Variants in FLT1 observed in about 807,000 individuals in gnomAD.
FLT1 encodes the protein vascular endothelial growth factor receptor 1.
FLT1 carries 49 observed loss-of-function variants against 156.3 expected under a neutral mutation model. The ratio of observed to expected loss-of-function variants is 0.31; its 90% CI spans 0.25 to 0.40. The LOEUF is 0.40. Ranked by LOEUF, FLT1 falls within the 10% of genes least tolerant of loss-of-function variation. FLT1 has a pLI of 1.00. For missense variants in FLT1, 1,322 were observed against 1,637.2 expected (o/e 0.81, Z 3.32); for synonymous variants, 594 against 583.8 (o/e 1.02, Z -0.25).
At chr13:28,458,684 A>C (rs1675396497) in intron 3 of FLT1, among the ~76,000 whole-genome samples, 2 of 152,232 alleles carry the variant, frequency 1.3e-5, no homozygotes, top group African/African-American at 4.8e-5. Flanking sequence ...GTTTAATGAC[A>C]GAAATGTTTT....
rs139333864 is a variant in FLT1, at chr13:28,306,688, G to A, written c.3805C>T (p.Leu1269Phe). 2.5e-4 allele frequency: 401 copies of A among 1,611,174 alleles called. No homozygotes were observed. Among genetic ancestry groups the A allele is most frequent in the Non-Finnish European group, 3.3e-4 (393 of 1,177,436 alleles). The change falls in exon 29 of 30, where the codon CTC (leucine) becomes TTC (phenylalanine). Residue 1269 changes from leucine to phenylalanine, a missense_variant. Leu to Phe is a conservative substitution (Grantham distance 22). This residue lies in a region of FLT1 where 329 missense variants were observed against 366.2 expected (regional missense o/e 0.90). Coordinates refer to ENST00000282397, the MANE Select transcript of FLT1 (RefSeq NM_002019.4). The part of the protein sequence containing the change: ...TWTDSKPKAS[L>F]KIDLRVTSKS... ...ATACCCAATTCTTACTCAATCTTGAGCGAGGCCTTGGGTTTGCTGTCAGTC... is the reference window on the plus strand; with the variant it reads ...ATACCCAATTCTTACTCAATCTTGAACGAGGCCTTGGGTTTGCTGTCAGTC...
At chr13:28,490,400 C>T (rs1881403285) in intron 1 of FLT1, among the ~76,000 whole-genome samples, 1 of 152,252 alleles carries the variant, frequency 6.6e-6, no homozygotes, top group Non-Finnish European at 1.5e-5. Context: ...CTATCTTCAG[C>T]AGACTCAATG....
intron 13 of FLT1, chr13:28,387,550 G>A: frequency 9.4e-7 from 1 of 1,063,220 alleles, no homozygotes; most frequent in Non-Finnish European, 1.1e-6. Flanking sequence ...CTGCCCACCA[G>A]GTTCTTTCAC....
chr13:28,488,191 A>G (rs1409540436), intron 1 of FLT1, among the ~76,000 whole-genome samples: 2 of 152,242 alleles, frequency 1.3e-5, no homozygotes, highest in East Asian at 3.9e-4. Context: ...TGAGGCCATG[A>G]GTTCAAGACC....
In FLT1 at chr13:28,317,601, C is replaced by T. The variant is rs573178257; in HGVS notation, c.3287-4G>A. On this transcript the variant is annotated splice_region_variant and splice_polypyrimidine_tract_variant and intron_variant, in intron 24 of 29. Transcript: ENST00000282397. The stretch of plus-strand genomic sequence containing the variant: ...ACTCCTGGGTATGGAGACCCACCTG[C>T]GGGAGACAATGTGGAAAACACAGGG... The T allele has an allele frequency of 1.5e-4, 244 of 1,602,466 alleles. 2 individuals are homozygous for T. The highest frequency in any genetic ancestry group is 6.2e-4 in the Admixed American group (37 of 60,010).
At chr13:28,402,204 T>C (rs1875487441) in intron 11 of FLT1, among the ~76,000 whole-genome samples, 1 of 152,214 alleles carries the variant, frequency 6.6e-6, no homozygotes, top group Non-Finnish European at 1.5e-5. Context: ...GTGTGATCGC[T>C]GCCCCACTGA....
intron 12 of FLT1, among the ~76,000 whole-genome samples, chr13:28,396,199 G>A (rs1157346384): frequency 6.6e-6 from 1 of 152,202 alleles, no homozygotes; most frequent in Non-Finnish European, 1.5e-5. Context: ...AATTGGACAT[G>A]TCTATTTCTT....
chr13:28,400,418 T>C lies in FLT1; in HGVS notation c.1552-3350A>G, dbSNP rs1005636410. 2.0e-5 allele frequency among the ~76,000 whole-genome samples: 3 copies of C among 152,238 alleles called. No homozygotes were observed. The East Asian group carries it at 5.8e-4, about 29-fold the overall frequency. On this transcript the variant is annotated intron_variant, in intron 11 of 29. Transcript: ENST00000282397. ...CTATGATCAGTTTTATTAAAATTTA[T>C]CTCATTTCTAGAGTACTTCTCTTTC...
Position 28,310,459 on chromosome 13 carries a change from G to A in FLT1, c.3635+1131C>T, listed in dbSNP as rs548174245. Among the ~76,000 whole-genome samples, 15 of 152,256 alleles carry A rather than the reference G, an allele frequency of 9.9e-5. No homozygotes were observed. The East Asian group carries it at 2.3e-3, about 24-fold the overall frequency. On this transcript the variant is annotated intron_variant, in intron 27 of 29. Transcript: ENST00000282397. ...GCCTTAAGGTCCCCATTTGTGTAAC[G>A]GGAATGATATGTTCTTCCCAAGACT...
intron 15 of FLT1, among the ~76,000 whole-genome samples, chr13:28,352,109 T>C (rs1223005568): frequency 6.6e-6 from 1 of 152,220 alleles, no homozygotes; most frequent in African/African-American, 2.4e-5. Context: ...CGTGCTGTGC[T>C]ACCTTAGAGT....
chr13:28,388,026 C>T (rs1169179105), intron 13 of FLT1: 8 of 1,059,362 alleles, frequency 7.6e-6, no homozygotes, highest in African/African-American at 1.6e-5. Flanking sequence ...CTCAATCATT[C>T]TGTTTGCTTT....
intron 11 of FLT1, among the ~76,000 whole-genome samples, chr13:28,401,220 T>C (rs1392870782): frequency 6.6e-6 from 1 of 152,014 alleles, no homozygotes; most frequent in Non-Finnish European, 1.5e-5. Context: ...TAAATAAAAT[T>C]AGACTATCAA....
At chr13:28,454,934 G>A (rs1879176494) in intron 3 of FLT1, among the ~76,000 whole-genome samples, 2 of 152,126 alleles carry the variant, frequency 1.3e-5, no homozygotes, top group South Asian at 4.1e-4. Flanking sequence ...CTAGACATAA[G>A]TCTATCAAAA....
At chr13:28,433,791 A>T in intron 6 of FLT1, 28 bp downstream of exon 6, 2 of 1,609,994 alleles carry the variant, frequency 1.2e-6, no homozygotes, top group Non-Finnish European at 1.7e-6. Flanking sequence ...ACTGTCCTGC[A>T]GAAGAAATAG....
chr13:28,391,005 G>T (rs1874678655), intron 12 of FLT1, among the ~76,000 whole-genome samples: 1 of 152,106 alleles, frequency 6.6e-6, no homozygotes, highest in Non-Finnish European at 1.5e-5. Flanking sequence ...TGGCACAGTG[G>T]GCCAGAGAGG....
intron 7 of FLT1, 75 bp from the exon 8 acceptor site, chr13:28,430,242 G>A: frequency 9.9e-7 from 1 of 1,012,382 alleles, no homozygotes; most frequent in Non-Finnish European, 1.6e-6. Context: ...CTCATTCAGG[G>A]AGGGTGTAAT....
At chr13:28,350,265 T>A (rs915981056) in intron 15 of FLT1, among the ~76,000 whole-genome samples, 1 of 152,190 alleles carries the variant, frequency 6.6e-6, no homozygotes, top group African/African-American at 2.4e-5. Context: ...TATTTTTATT[T>A]GGGATACTGA....
intron 17 of FLT1, among the ~76,000 whole-genome samples, chr13:28,338,256 A>C (rs1475346059): frequency 6.6e-6 from 1 of 152,106 alleles, no homozygotes; most frequent in Non-Finnish European, 1.5e-5. Context: ...ATACTGTTGA[A>C]TTTGGAACAA....
chr13:28,404,262 T>C (rs565088974), intron 11 of FLT1, among the ~76,000 whole-genome samples: 13 of 152,202 alleles, frequency 8.5e-5, no homozygotes, highest in Non-Finnish European at 1.6e-4. Context: ...TAAGAGACTA[T>C]TGGTGTTATC....
Sources: gnomAD v4.1 joint callset for allele counts (sites outside exome capture counted in the v4.1 genomes callset) on GRCh38, gnomAD v4.1.1 for gene constraint, gnomAD v4.1.1 regional missense constraint, MANE v1.5 for transcripts, NCBI Gene and HGNC (gene_info 2026-07-23, HGNC 2026-07-21) for gene names.